LAMB1: variants seen among roughly 807,000 people sequenced by gnomAD.
LAMB1 encodes the protein laminin subunit beta 1.
In LAMB1, 121 loss-of-function variants were observed where a neutral mutation model predicts 222.3. The ratio of observed to expected loss-of-function variants is 0.54; its 90% confidence interval spans 0.47 to 0.63. LAMB1 has a LOEUF of 0.63. Ranked by LOEUF, LAMB1 falls within the 30% of genes least tolerant of loss-of-function variation. The pLI is 0.00. For synonymous variants in LAMB1, 794 were observed against 807.2 expected (o/e 0.98, Z 0.28); for missense variants, 2,172 against 2,240.8 (o/e 0.97, Z 0.62).
At chr7:107,989,846 T>C (rs1198374274) in intron 5 of LAMB1, among the ~76,000 whole-genome samples, 1 of 152,186 alleles carries the variant, frequency 6.6e-6, no homozygotes, top group Non-Finnish European at 1.5e-5. Flanking sequence ...CAAAGGACCA[T>C]TGACGAGTCA....
In LAMB1 at chr7:107,978,098, G is replaced by A; in HGVS notation, c.949C>T (p.His317Tyr). The A allele has an allele frequency of 6.2e-7, 1 of 1,614,068 alleles. No individual in the cohort carries two copies. Among genetic ancestry groups the A allele is most frequent in the Non-Finnish European group, 8.5e-7 (1 of 1,179,970 alleles). ...LNCELCMDFYHDLPWRPAEGR... is the reference protein window; with the variant it reads ...LNCELCMDFYYDLPWRPAEGR... The stretch of plus-strand genomic sequence containing the variant: ...TCAGCAGGTCTCCAAGGTAAATCAT[G>A]GTAGAAATCCATGCAGAGTTCACAG... Residue 317 changes from histidine (H) to tyrosine (Y), a missense_variant, in exon 9 of 34, where the codon CAT (histidine) becomes TAT (tyrosine). Transcript: ENST00000222399.
intron 24 of LAMB1, 41 bp from the exon 25 acceptor site, chr7:107,940,399 T>C (rs764685598): frequency 8.1e-5 from 127 of 1,571,158 alleles, no homozygotes; most frequent in Non-Finnish European, 1.0e-4. Context: ...TACTTAATCA[T>C]GAACCTCAGT....
chr7:107,936,860 C>G (rs2032859814), intron 26 of LAMB1, among the ~76,000 whole-genome samples: 1 of 151,858 alleles, frequency 6.6e-6, no homozygotes, highest in Non-Finnish European at 1.5e-5. Flanking sequence ...CATTCTGATA[C>G]AACTACTGCC....
intron 3 of LAMB1, 26 bp downstream of exon 3, chr7:108,001,532 C>T (rs960150308): frequency 5.1e-6 from 8 of 1,562,760 alleles, no homozygotes; most frequent in Admixed American, 3.6e-5. Context: ...GCTAGCAGAG[C>T]CTCGAACCCC....
At chr7:107,988,816 A>C (rs1179891932) in intron 5 of LAMB1, among the ~76,000 whole-genome samples, 1 of 152,230 alleles carries the variant, frequency 6.6e-6, no homozygotes, top group Non-Finnish European at 1.5e-5. Context: ...TCCCGAACCA[A>C]GGAGAGAGGC....
intron 29 of LAMB1, chr7:107,929,871 C>T (rs971724152): frequency 4.6e-5 from 24 of 524,274 alleles, no homozygotes; most frequent in Admixed American, 2.3e-4. Context: ...GGGAAACCTT[C>T]GTGGAAGATG....
At chr7:107,982,544 C>T (rs2150444155) in intron 7 of LAMB1, among the ~76,000 whole-genome samples, 1 of 152,284 alleles carries the variant, frequency 6.6e-6, no homozygotes, top group Non-Finnish European at 1.5e-5. Flanking sequence ...GTTATGAACG[C>T]CAACATTTTC....
At chr7:107,973,392 G>GT (rs2033788695) in intron 12 of LAMB1, among the ~76,000 whole-genome samples, 1 of 152,186 alleles carries the variant, frequency 6.6e-6, no homozygotes, top group Admixed American at 6.5e-5. Flanking sequence ...TACTCTGGCT[G>GT]TAAGAGAATT....
chr7:107,925,257 C>G (rs569761081), intron 32 of LAMB1, among the ~76,000 whole-genome samples: 108 of 152,230 alleles, frequency 7.1e-4, no homozygotes, highest in Non-Finnish European at 1.1e-3. Context: ...AATGCAGGTG[C>G]CCCCAGGCCT....
intron 5 of LAMB1, among the ~76,000 whole-genome samples, chr7:107,987,693 G>A (rs369086592): frequency 2.1e-4 from 32 of 152,218 alleles, no homozygotes; most frequent in African/African-American, 7.7e-4. Flanking sequence ...GTAGAGATGG[G>A]GTTTCACCAT....
At chr7:107,996,601 G>A (rs932581224) in intron 4 of LAMB1, among the ~76,000 whole-genome samples, 3 of 152,192 alleles carry the variant, frequency 2.0e-5, no homozygotes, top group South Asian at 2.1e-4. Flanking sequence ...AGTTCCATCA[G>A]TCTAATCTCA....
In LAMB1 at chr7:107,932,246, G is replaced by C; in HGVS notation, c.4320C>G (p.Ala1440=). 6.2e-7 allele frequency: 1 copy of C among 1,614,210 alleles called. No individual in the cohort carries two copies. Among genetic ancestry groups the C allele is most frequent in the Non-Finnish European group, 8.5e-7 (1 of 1,180,052 alleles). ...CGGLVTVAHN[A]WQKAMDLDQD... is the part of the protein sequence containing the mutation. ...GGTCCAAGTCCATGGCTTTCTGCCAGGCGTTGTGTGCAACAGTAACCAGAC... is the reference window on the plus strand; with the variant it reads ...GGTCCAAGTCCATGGCTTTCTGCCACGCGTTGTGTGCAACAGTAACCAGAC... The change falls in exon 28 of 34, where the codon GCC becomes GCG. Residue 1440 remains alanine (A), a synonymous_variant. Transcript: ENST00000222399.
chr7:107,951,305 C>CT lies in LAMB1; in HGVS notation c.3311dup (p.Cys1105ValfsTer29), dbSNP rs2033244683. 1.2e-6 allele frequency: 2 copies of CT among 1,614,050 alleles called. No homozygotes were observed. The highest frequency in any genetic ancestry group is 2.7e-5 in the African/African-American group (2 of 74,942). On this transcript the variant is annotated frameshift_variant, in exon 24 of 34. Coordinates refer to ENST00000222399, the MANE Select transcript of LAMB1 (RefSeq NM_002291.3). LOFTEE classifies it high-confidence loss of function. ...TGCGGCCTCCAAACCCAGGCATGCA[C>CT]TGGCACTGCCCCGTGAACTGCGGCC...
intron 9 of LAMB1, among the ~76,000 whole-genome samples, chr7:107,977,013 C>T (rs901922603): frequency 3.2e-5 from 2 of 62,598 alleles, no homozygotes; most frequent in African/African-American, 9.2e-5. Flanking sequence ...CCTTTCCTCT[C>T]TCTCCTTCCT....
chr7:107,936,637 T>G (rs561832479), intron 26 of LAMB1, among the ~76,000 whole-genome samples: 1 of 152,330 alleles, frequency 6.6e-6, no homozygotes, highest in Admixed American at 6.5e-5. Context: ...TGTAACATAT[T>G]TCTACATTCA....
intron 20 of LAMB1, 117 bp downstream of exon 20, chr7:107,959,132 G>A: frequency 1.3e-6 from 1 of 781,128 alleles, no homozygotes; most frequent in South Asian, 1.6e-5. Flanking sequence ...ATAGTGAGGT[G>A]GTCAGAAATG....
At position 107,935,343 on chromosome 7, in the gene LAMB1, CTTTGTTTTTTTTTTT is replaced by C. The variant is rs1562976438; in HGVS notation, c.4188+57_4188+71del. ...TAATGACAAAAGATGGTTTGTTTTT[CTTTGTTTTTTTTTTT>C]TTTTTTTTTTTTTTTGCTTGGCACC... On this transcript the variant is annotated intron_variant, in intron 27 of 33. Coordinates refer to ENST00000222399, the MANE Select transcript of LAMB1 (RefSeq NM_002291.3). 3.0e-4 allele frequency: 410 copies of C among 1,371,822 alleles called. 5 individuals carry two copies. The African/African-American group carries it at 8.0e-3, about 27-fold the overall frequency. 85.0% of individuals were successfully genotyped at this position (1,371,822 alleles called of 1,614,324 possible).
chr7:107,943,673 C>T (rs1167095590), intron 24 of LAMB1, among the ~76,000 whole-genome samples: 1 of 152,128 alleles, frequency 6.6e-6, no homozygotes, highest in African/African-American at 2.4e-5. Flanking sequence ...GGGTGGGGCC[C>T]AGAACTATTT....
intron 10 of LAMB1, 94 bp downstream of exon 10, chr7:107,975,595 C>T (rs779322566): frequency 6.3e-5 from 83 of 1,316,522 alleles, no homozygotes; most frequent in African/African-American, 8.9e-5. Context: ...GCTGGCTTTA[C>T]TGCTCATACT....
Sources: allele counts gnomAD v4.1 joint callset (sites outside exome capture counted in the v4.1 genomes callset), GRCh38; gene constraint gnomAD v4.1.1; transcripts MANE v1.5; gene names NCBI Gene and HGNC (gene_info 2026-07-23, HGNC 2026-07-21).